The following PSMD1 variants were observed in gnomAD, a reference collection of about 807,000 sequenced individuals.
PSMD1 encodes the protein 26S proteasome non-ATPase regulatory subunit 1.
PSMD1 carries 18 observed loss-of-function variants against 119.0 expected under a neutral mutation model. The ratio of observed to expected loss-of-function variants is 0.15; its 90% CI spans 0.10 to 0.22. The LOEUF is 0.22. Ranked by LOEUF, PSMD1 falls within the 10% of genes least tolerant of loss-of-function variation. The pLI is 1.00. For missense variants in PSMD1, 702 were observed against 1,158.5 expected (o/e 0.61, Z 5.72); for synonymous variants, 374 against 396.6 (o/e 0.94, Z 0.68).
intron 19 of PSMD1, among the ~76,000 whole-genome samples, chr2:231,155,377 T>G (rs1696462934): frequency 6.6e-6 from 1 of 152,162 alleles, no homozygotes; most frequent in African/African-American, 2.4e-5. Context: ...GCTATTAATT[T>G]GATAACTGTC....
intron 12 of PSMD1, 100 bp from the exon 13 acceptor site, chr2:231,082,783 C>G: frequency 1.2e-6 from 1 of 832,536 alleles, no homozygotes; most frequent in Non-Finnish European, 1.9e-6. Context: ...CTGAGCCAAC[C>G]TCTGCATATT....
chr2:231,071,130 G>A (rs1188932889), intron 6 of PSMD1, among the ~76,000 whole-genome samples: 1 of 151,738 alleles, frequency 6.6e-6, no homozygotes, highest in Non-Finnish European at 1.5e-5. Context: ...GGTTTTCGGA[G>A]TTTTGTTGTT....
At chr2:231,146,424 T>C in intron 18 of PSMD1, 68 bp downstream of exon 18, 1 of 1,227,972 alleles carries the variant, frequency 8.1e-7, no homozygotes, top group African/African-American at 1.5e-5. Flanking sequence ...TTATCGTCTT[T>C]TGAGGACGTT....
At chr2:231,123,908 T>A (rs1189429770) in intron 16 of PSMD1, 3 of 697,360 alleles carry the variant, frequency 4.3e-6, no homozygotes, top group South Asian at 1.5e-5. Context: ...AAAAAAAAAA[T>A]TCAAGTTCTC....
intron 16 of PSMD1, among the ~76,000 whole-genome samples, chr2:231,112,544 G>A (rs1695186886): frequency 6.6e-6 from 1 of 152,128 alleles, no homozygotes; most frequent in African/African-American, 2.4e-5. Flanking sequence ...TGCTGTTTTT[G>A]CCCCAGTGCC....
At chr2:231,146,628 A>G (rs1337221052) in intron 18 of PSMD1, among the ~76,000 whole-genome samples, 3 of 152,226 alleles carry the variant, frequency 2.0e-5, no homozygotes, top group African/African-American at 7.2e-5. Flanking sequence ...AAACCGTAAA[A>G]TGAACTCTTT....
intron 16 of PSMD1, among the ~76,000 whole-genome samples, chr2:231,098,348 TA>T (rs1482131036): frequency 6.6e-6 from 1 of 151,952 alleles, no homozygotes; most frequent in Admixed American, 6.6e-5. Flanking sequence ...AGGAATAGGG[TA>T]CACTGTTTTC....
At chr2:231,165,847 C>CT in intron 22 of PSMD1, 24 bp from the exon 23 acceptor site, 4 of 1,544,890 alleles carry the variant, frequency 2.6e-6, no homozygotes, top group Non-Finnish European at 2.6e-6. Context: ...TTCTGTTGAA[C>CT]TTTTTTTAAA....
rs140275530 is a variant in PSMD1, at chr2:231,146,129, T to C, written c.1999-111T>C. The C allele has an allele frequency of 2.6e-5, 18 of 698,868 alleles. No individual in the cohort carries two copies. In the East Asian group the frequency reaches 4.7e-4, roughly 18 times the overall value. 43.3% of individuals were successfully genotyped at this position (698,868 alleles called of 1,614,324 possible). Reference sequence around the variant, plus strand: ...CCATTATAATGGGACTACCATCATATATGCAGTGTGTCACTTCCCAGAATG... The same window carrying C: ...CCATTATAATGGGACTACCATCATACATGCAGTGTGTCACTTCCCAGAATG... On this transcript the variant is annotated intron_variant, in intron 17 of 24. Transcript: ENST00000308696.
intron 16 of PSMD1, among the ~76,000 whole-genome samples, chr2:231,089,887 A>T (rs775406989): frequency 4.6e-5 from 7 of 152,108 alleles, no homozygotes; most frequent in Non-Finnish European, 8.8e-5. Flanking sequence ...TCCCCAGCCC[A>T]CTGACTCCAA....
At chr2:231,089,134 C>T (rs909689428) in intron 16 of PSMD1, among the ~76,000 whole-genome samples, 3 of 152,170 alleles carry the variant, frequency 2.0e-5, no homozygotes, top group African/African-American at 7.2e-5. Context: ...AGAAGAAAAG[C>T]TTGAAGCTAG....
intron 8 of PSMD1, 80 bp downstream of exon 8, chr2:231,075,651 C>A: frequency 7.9e-7 from 1 of 1,271,062 alleles, no homozygotes; most frequent in Non-Finnish European, 1.1e-6. Context: ...GCGGTCTCGG[C>A]TCACTACAAC....
intron 21 of PSMD1, among the ~76,000 whole-genome samples, chr2:231,164,623 C>T (rs1696714106): frequency 6.6e-6 from 1 of 152,036 alleles, no homozygotes. Flanking sequence ...TTCAGACCCT[C>T]CTTTGGGTCT....
intron 18 of PSMD1, among the ~76,000 whole-genome samples, chr2:231,150,059 A>G (rs1696338234): frequency 6.6e-6 from 1 of 152,202 alleles, no homozygotes; most frequent in Non-Finnish European, 1.5e-5. Flanking sequence ...AAAAAAAATT[A>G]TATAGGCCAG....
chr2:231,164,484 C>T (rs1052966424), intron 21 of PSMD1, among the ~76,000 whole-genome samples: 2 of 151,972 alleles, frequency 1.3e-5, no homozygotes, highest in Non-Finnish European at 2.9e-5. Context: ...CTCTTTCTCT[C>T]ATAATTTTCA....
At chr2:231,144,418 ATTTTTTTTTTT>A (rs751682132) in intron 17 of PSMD1, among the ~76,000 whole-genome samples, 46 of 75,192 alleles carry the variant, frequency 6.1e-4, no homozygotes, top group African/African-American at 2.2e-3. Flanking sequence ...CGCCCAGCTA[ATTTTTTTTTTT>A]TTTTTTTTTT....
At position 231,164,029 on chromosome 2, in the gene PSMD1, A is replaced by AT. The variant is rs533093127; in HGVS notation, c.2481+311dup. Among the ~76,000 whole-genome samples the AT allele has an allele frequency of 1.3e-4, 19 of 151,590 alleles. 1 individual carries two copies. In the South Asian group the frequency reaches 2.9e-3, roughly 23 times the overall value. On this transcript the variant is annotated intron_variant, in intron 21 of 24. Coordinates refer to ENST00000308696, the MANE Select transcript of PSMD1 (RefSeq NM_002807.4). ...TGCATCTTGTTTTCACATTAACTATATTTTTTTTTATTTTTAAAACTTTCA... is the reference window on the plus strand; with the variant it reads ...TGCATCTTGTTTTCACATTAACTATATTTTTTTTTTATTTTTAAAACTTTCA...
intron 18 of PSMD1, among the ~76,000 whole-genome samples, chr2:231,152,830 A>G (rs559795393): frequency 5.4e-4 from 82 of 152,384 alleles, no homozygotes; most frequent in African/African-American, 1.8e-3. Context: ...TAGAAGAAGC[A>G]TAAAATAGTT....
chr2:231,100,351 G>A (rs2161892), intron 16 of PSMD1, among the ~76,000 whole-genome samples: 28,713 of 152,136 alleles, frequency 0.19, 2,932 homozygotes, highest in African/African-American at 0.23. Flanking sequence ...CCCTGCTGCT[G>A]TGTCATTCCC....
Sources: gnomAD v4.1 joint callset for allele counts (sites outside exome capture counted in the v4.1 genomes callset) on GRCh38, gnomAD v4.1.1 for gene constraint, MANE v1.5 for transcripts, NCBI Gene and HGNC (gene_info 2026-07-23, HGNC 2026-07-21) for gene names.